The following DNAH11 variants were observed in gnomAD, a reference collection of about 807,000 sequenced individuals.
DNAH11 encodes dynein axonemal heavy chain 11, also known as axonemal beta dynein heavy chain 11.
In DNAH11, 442 loss-of-function variants were observed where a neutral mutation model predicts 526.0. That is an observed-to-expected ratio of 0.84 (90% CI 0.78 to 0.91). DNAH11 has a LOEUF of 0.91. Ranked by LOEUF, DNAH11 falls within the 40% of genes least tolerant of loss-of-function variation. The probability of loss-of-function intolerance (pLI) is 0.00; values close to 1 mark genes in which losing one functional copy is unlikely to be tolerated. For synonymous variants in DNAH11, 2,461 were observed against 1,935.9 expected, an observed-to-expected ratio of 1.27 and a Z score of -7.12; for missense variants, 6,989 against 5,448.7, an observed-to-expected ratio of 1.28 and a Z score of -8.90.
intron 29 of DNAH11, among the ~76,000 whole-genome samples, chr7:21,658,415 T>C (rs1402822633): frequency 6.6e-6 from 1 of 152,172 alleles, no homozygotes; most frequent in African/African-American, 2.4e-5. Context: ...CATACCTCTA[T>C]AGGTGTCTGT....
chr7:21,901,390 G>T lies in DNAH11; in HGVS notation c.*136G>T. On this transcript the variant is annotated 3_prime_UTR_variant, in exon 82 of 82. Coordinates refer to ENST00000409508, the MANE Select transcript of DNAH11 (RefSeq NM_001277115.2). ...CATTCTTTTTTCAACGCTATCCTTA[G>T]AGTGAAAGTCAGAAAAAAATACTAG... 1 of 1,253,798 alleles carries T rather than the reference G, an allele frequency of 8.0e-7. No individual in the cohort carries two copies. The allele number at this position is 1,253,798 out of a possible 1,614,324, so 77.7% of individuals were successfully genotyped here.
At chr7:21,751,048 G>T (rs1786391498) in intron 54 of DNAH11, among the ~76,000 whole-genome samples, 1 of 152,078 alleles carries the variant, frequency 6.6e-6, no homozygotes, top group Non-Finnish European at 1.5e-5. Context: ...GATGGGCCGG[G>T]TGCAGTGGCT....
chr7:21,587,505 A>G (rs1784514071), intron 9 of DNAH11, among the ~76,000 whole-genome samples: 1 of 152,086 alleles, frequency 6.6e-6, no homozygotes, highest in Non-Finnish European at 1.5e-5. Context: ...ACAGTCATCC[A>G]CCTGTGGAGT....
intron 20 of DNAH11, among the ~76,000 whole-genome samples, chr7:21,607,734 A>G (rs1488779436): frequency 3.3e-5 from 5 of 152,018 alleles, no homozygotes; most frequent in South Asian, 2.1e-4. Context: ...GATCAAGACC[A>G]TCCTGGCCAA....
intron 25 of DNAH11, among the ~76,000 whole-genome samples, chr7:21,635,358 G>A (rs148513467): frequency 0.071 from 10,786 of 152,140 alleles, 743 homozygotes; most frequent in Admixed American, 0.23. Context: ...GGGTTTTACC[G>A]TGTTAGCCAG....
chr7:21,835,434 T>A (rs906255174), intron 65 of DNAH11, among the ~76,000 whole-genome samples: 2 of 152,126 alleles, frequency 1.3e-5, no homozygotes, highest in African/African-American at 4.8e-5. Context: ...TGGAATTTAT[T>A]CCAGGAATGC....
intron 14 of DNAH11, among the ~76,000 whole-genome samples, chr7:21,593,051 A>G (rs1784744157): frequency 6.6e-6 from 1 of 152,190 alleles, no homozygotes; most frequent in African/African-American, 2.4e-5. Context: ...GAGCCATATA[A>G]TTAGATTAAG....
intron 76 of DNAH11, among the ~76,000 whole-genome samples, chr7:21,886,256 T>A (rs1489594044): frequency 6.6e-6 from 1 of 152,210 alleles, no homozygotes; most frequent in African/African-American, 2.4e-5. Context: ...ATTTAGTGTA[T>A]ATTAGATTAA....
At chr7:21,596,558 G>A (rs1221575440) in intron 14 of DNAH11, among the ~76,000 whole-genome samples, 3 of 152,040 alleles carry the variant, frequency 2.0e-5, no homozygotes, top group Admixed American at 6.6e-5. Context: ...GATGGATTAC[G>A]GTTAGTTTTT....
intron 63 of DNAH11, among the ~76,000 whole-genome samples, chr7:21,814,022 A>G (rs2127999118): frequency 6.6e-6 from 1 of 152,378 alleles, no homozygotes; most frequent in East Asian, 1.9e-4. Context: ...CACCTAGGCT[A>G]CATGGCATAG....
At chr7:21,832,856 T>C (rs1439868194) in intron 65 of DNAH11, among the ~76,000 whole-genome samples, 1 of 152,178 alleles carries the variant, frequency 6.6e-6, no homozygotes, top group Admixed American at 6.5e-5. Context: ...AAATATTTAC[T>C]CTCTGATCCT....
At position 21,854,357 on chromosome 7, in the gene DNAH11, C is replaced by T. The variant is rs375983999; in HGVS notation, c.11104C>T (p.Arg3702Ter). ...AAATGAAAGAAAAATCAACGAGGCC[C>T]GAGAATGTTACAGACCAGTGGCAGC... ...KENERKINEA[R>*]ECYRPVAARA... The change falls in exon 68 of 82, where the codon CGA becomes TGA. Residue 3702 changes from arginine to a stop codon, truncating the protein, a stop_gained. Transcript: ENST00000409508. LOFTEE classifies it high-confidence loss of function. The T allele has an allele frequency of 1.3e-5, 21 of 1,613,426 alleles. No individual in the cohort carries two copies. Among genetic ancestry groups the T allele is most frequent in the East Asian group, 4.5e-5 (2 of 44,852 alleles).
intron 8 of DNAH11, among the ~76,000 whole-genome samples, chr7:21,578,517 G>C (rs1485195945): frequency 1.3e-5 from 2 of 152,202 alleles, no homozygotes; most frequent in African/African-American, 4.8e-5. Context: ...AGCTTTTCCA[G>C]GTGTATGGAT....
At chr7:21,819,368 A>G (rs1789956056) in intron 65 of DNAH11, among the ~76,000 whole-genome samples, 1 of 152,160 alleles carries the variant, frequency 6.6e-6, no homozygotes, top group African/African-American at 2.4e-5. Flanking sequence ...ACAATCACTA[A>G]GTAAATCCAT....
At chr7:21,642,142 A>G (rs1787158911) in intron 28 of DNAH11, among the ~76,000 whole-genome samples, 1 of 152,252 alleles carries the variant, frequency 6.6e-6, no homozygotes, top group South Asian at 2.1e-4. Flanking sequence ...GAAAATTTGT[A>G]TTCCAAGTTG....
chr7:21,799,601 G>A (rs567155327), intron 61 of DNAH11, among the ~76,000 whole-genome samples: 1 of 152,166 alleles, frequency 6.6e-6, no homozygotes, highest in Non-Finnish European at 1.5e-5. Context: ...CTCCCAAAGT[G>A]CTGGGATTAC....
intron 30 of DNAH11, among the ~76,000 whole-genome samples, chr7:21,679,649 CTCTAAG>C (rs1783058839): frequency 6.6e-6 from 1 of 152,084 alleles, no homozygotes; most frequent in Non-Finnish European, 1.5e-5. Context: ...TTGTGTTTGA[CTCTAAG>C]TCTGTCCTGA....
intron 42 of DNAH11, among the ~76,000 whole-genome samples, chr7:21,715,378 C>G (rs561197420): frequency 1.5e-4 from 23 of 152,296 alleles, no homozygotes; most frequent in African/African-American, 5.1e-4. Flanking sequence ...GATAGGAGGA[C>G]TCATTTGCAA....
intron 65 of DNAH11, among the ~76,000 whole-genome samples, chr7:21,822,416 A>G (rs1041299372): frequency 6.6e-6 from 1 of 152,148 alleles, no homozygotes; most frequent in African/African-American, 2.4e-5. Context: ...TTCATGAGAG[A>G]TCTGCCCCCA....
Sources: gnomAD v4.1 joint callset for allele counts (sites outside exome capture counted in the v4.1 genomes callset) on GRCh38, gnomAD v4.1.1 for gene constraint, MANE v1.5 for transcripts, NCBI Gene and HGNC (gene_info 2026-07-23, HGNC 2026-07-21) for gene names.